The following ARHGAP44 variants were observed in gnomAD, a reference collection of about 807,000 sequenced individuals.
ARHGAP44 encodes the protein Rho GTPase activating protein 44.
Under a neutral mutation model 106.8 loss-of-function variants are expected in ARHGAP44, and 43 were observed. The observed-to-expected ratio is 0.40, with a 90% confidence interval of 0.32 to 0.52. ARHGAP44 has a LOEUF of 0.52. ARHGAP44 is among the 20% of genes least tolerant of loss of function. The pLI, the probability that ARHGAP44 is intolerant of heterozygous loss-of-function variation, is 0.48. For synonymous variants in ARHGAP44, 439 were observed against 410.3 expected (o/e 1.07, Z -0.85); for missense variants, 866 against 1,050.5 (o/e 0.82, Z 2.43).
At chr17:12,884,409 T>C (rs1418280177) in intron 1 of ARHGAP44, among the ~76,000 whole-genome samples, 2 of 152,236 alleles carry the variant, frequency 1.3e-5, no homozygotes, top group African/African-American at 4.8e-5. Flanking sequence ...ACCCTTGTAA[T>C]GTTTATTACA....
At chr17:12,822,408 T>A (rs1883297387) in intron 1 of ARHGAP44, among the ~76,000 whole-genome samples, 1 of 152,168 alleles carries the variant, frequency 6.6e-6, no homozygotes, top group South Asian at 2.1e-4. Context: ...CTGCAATGGA[T>A]TGTCACTGGT....
At chr17:12,848,965 T>C (rs1391839072) in intron 1 of ARHGAP44, among the ~76,000 whole-genome samples, 1 of 151,790 alleles carries the variant, frequency 6.6e-6, no homozygotes, top group Non-Finnish European at 1.5e-5. Context: ...GGAGAATTGC[T>C]TGAACTTGGG....
At chr17:12,879,703 A>ACG (rs202219771) in intron 1 of ARHGAP44, among the ~76,000 whole-genome samples, 2 of 21,570 alleles carry the variant, frequency 9.3e-5, no homozygotes, top group Non-Finnish European at 3.8e-4. Context: ...ATATACACAT[A>ACG]CACACACACA....
intron 1 of ARHGAP44, among the ~76,000 whole-genome samples, chr17:12,826,151 G>T (rs76348679): frequency 0.019 from 2,897 of 152,176 alleles, 85 homozygotes; most frequent in African/African-American, 0.064. Flanking sequence ...GTCCTGGGGT[G>T]GTTTGTACAG....
chr17:12,904,247 C>T, intron 3 of ARHGAP44, among the ~76,000 whole-genome samples: 1 of 152,138 alleles, frequency 6.6e-6, no homozygotes, highest in East Asian at 1.9e-4. Flanking sequence ...GCTGGGATTA[C>T]AGGTGCATGC....
chr17:12,957,441 G>A (rs1183227921), intron 15 of ARHGAP44, among the ~76,000 whole-genome samples: 1 of 152,156 alleles, frequency 6.6e-6, no homozygotes, highest in East Asian at 1.9e-4. Flanking sequence ...ATGCAGAGGG[G>A]GAGACAGGTT....
intron 1 of ARHGAP44, among the ~76,000 whole-genome samples, chr17:12,794,672 CTG>C (rs2033867220): frequency 6.6e-6 from 1 of 152,104 alleles, no homozygotes; most frequent in South Asian, 2.1e-4. Context: ...AGTTTTGTCT[CTG>C]GAGCCTTGTT....
intron 5 of ARHGAP44, among the ~76,000 whole-genome samples, chr17:12,917,910 C>T (rs906872211): frequency 6.6e-6 from 1 of 152,184 alleles, no homozygotes; most frequent in African/African-American, 2.4e-5. Flanking sequence ...GGCTTCCTCT[C>T]TGAACCACAA....
At chr17:12,941,986 C>T (rs1168266475) in intron 8 of ARHGAP44, among the ~76,000 whole-genome samples, 1 of 152,118 alleles carries the variant, frequency 6.6e-6, no homozygotes, top group Admixed American at 6.5e-5. Flanking sequence ...TCAAGAAATT[C>T]TGCAAAGTTT....
intron 1 of ARHGAP44, among the ~76,000 whole-genome samples, chr17:12,801,570 T>C (rs1004613129): frequency 3.3e-5 from 5 of 152,184 alleles, no homozygotes; most frequent in Non-Finnish European, 5.9e-5. Flanking sequence ...ATGAAATGTC[T>C]AATATTAATG....
chr17:12,960,594 T>C (rs1232046086), intron 16 of ARHGAP44, among the ~76,000 whole-genome samples: 2 of 147,908 alleles, frequency 1.4e-5, no homozygotes, highest in Admixed American at 6.8e-5. Flanking sequence ...AGAGTCTCGC[T>C]CTGTCACCCG....
At chr17:12,948,417 C>A in intron 10 of ARHGAP44, among the ~76,000 whole-genome samples, 1 of 152,174 alleles carries the variant, frequency 6.6e-6, no homozygotes, top group Non-Finnish European at 1.5e-5. Context: ...CGCCTGTAAT[C>A]CCAGCACTTT....
intron 7 of ARHGAP44, among the ~76,000 whole-genome samples, chr17:12,930,204 C>T (rs1440699976): frequency 6.6e-6 from 1 of 151,798 alleles, no homozygotes; most frequent in Admixed American, 6.6e-5. Flanking sequence ...TTCATTTTTA[C>T]TGTGTTTTCT....
intron 1 of ARHGAP44, among the ~76,000 whole-genome samples, chr17:12,805,159 AC>A (rs1319645567): frequency 6.6e-6 from 1 of 152,120 alleles, no homozygotes; most frequent in Non-Finnish European, 1.5e-5. Context: ...AGGGGGAAGC[AC>A]TGTTTCTTTC....
intron 3 of ARHGAP44, among the ~76,000 whole-genome samples, chr17:12,898,545 A>G (rs964281804): frequency 6.6e-6 from 1 of 152,202 alleles, no homozygotes; most frequent in Admixed American, 6.5e-5. Context: ...GCCAGTTCCA[A>G]GGTTTATTCA....
chr17:12,890,342 CT>C (rs2037005886), intron 1 of ARHGAP44, among the ~76,000 whole-genome samples: 1 of 152,186 alleles, frequency 6.6e-6, no homozygotes, highest in Admixed American at 6.5e-5. Context: ...ACCTCCACAG[CT>C]TATGAACTCT....
chr17:12,820,166 T>A (rs2034724273), intron 1 of ARHGAP44, among the ~76,000 whole-genome samples: 1 of 152,164 alleles, frequency 6.6e-6, no homozygotes, highest in Admixed American at 6.6e-5. Flanking sequence ...TGCAGTTGAC[T>A]CTGTCACAAA....
chr17:12,868,664 A>AT (rs1370113090), intron 1 of ARHGAP44, among the ~76,000 whole-genome samples: 2 of 105,612 alleles, frequency 1.9e-5, no homozygotes, highest in Admixed American at 1.1e-4. Context: ...TATTTTTTTA[A>AT]TTTTTTTTCT....
chr17:12,912,823 A>G (rs201611736), intron 4 of ARHGAP44, among the ~76,000 whole-genome samples: 3 of 152,312 alleles, frequency 2.0e-5, no homozygotes, highest in East Asian at 3.9e-4. Flanking sequence ...CCAAGTTTCA[A>G]TCAACGAGAG....
Sources: gnomAD v4.1 joint callset for allele counts (sites outside exome capture counted in the v4.1 genomes callset) on GRCh38, gnomAD v4.1.1 for gene constraint, MANE v1.5 for transcripts, NCBI Gene and HGNC (gene_info 2026-07-23, HGNC 2026-07-21) for gene names.